PRKCB: variants seen among roughly 807,000 people sequenced by gnomAD.
PRKCB encodes the protein protein kinase C beta.
Under a neutral mutation model 81.5 loss-of-function variants are expected in PRKCB, and 13 were observed. That is an observed-to-expected ratio of 0.16 (90% confidence interval 0.10 to 0.25). The LOEUF (loss-of-function observed/expected upper bound fraction) is 0.25, where lower values mean the gene tolerates loss of function less well. Ranked by LOEUF, PRKCB falls within the 10% of genes least tolerant of loss-of-function variation. The pLI is 1.00. For missense variants in PRKCB, 509 were observed against 875.7 expected, an observed-to-expected ratio of 0.58 and a Z score of 5.29; for synonymous variants, 335 against 321.4, an observed-to-expected ratio of 1.04 and a Z score of -0.45.
chr16:24,049,394 C>T (rs573606582), intron 5 of PRKCB, among the ~76,000 whole-genome samples: 1 of 144,924 alleles, frequency 6.9e-6, no homozygotes, highest in East Asian at 2.1e-4. Context: ...GCACCCTTAA[C>T]CACTACCCTG....
intron 9 of PRKCB, 60 bp downstream of exon 9, chr16:24,124,041 A>G (rs1200127112): frequency 8.8e-6 from 14 of 1,596,962 alleles, no homozygotes; most frequent in African/African-American, 8.1e-5. Context: ...ACACAGGCAC[A>G]TTTGCTGTTC....
intron 5 of PRKCB, among the ~76,000 whole-genome samples, chr16:24,057,280 A>C (rs1466279858): frequency 6.6e-6 from 1 of 152,022 alleles, no homozygotes; most frequent in Non-Finnish European, 1.5e-5. Context: ...CATACTTACT[A>C]CTATTTCAGC....
At chr16:24,104,794 C>T (rs1005788116) in intron 7 of PRKCB, among the ~76,000 whole-genome samples, 1 of 152,022 alleles carries the variant, frequency 6.6e-6, no homozygotes, top group African/African-American at 2.4e-5. Context: ...GGAGCTGGAT[C>T]CATGAGGGGA....
rs975457873 is a variant in PRKCB, at chr16:24,218,405, A to G, written c.*3589A>G. 4.1e-6 allele frequency: 4 copies of G among 985,218 alleles called. No individual in the cohort carries two copies. Among genetic ancestry groups the G allele is most frequent in the Non-Finnish European group, 4.8e-6 (4 of 829,952 alleles). 61.0% of individuals were successfully genotyped at this position (985,218 alleles called of 1,614,324 possible). A position where few individuals can be genotyped will look rare whatever the true frequency, so the allele number is the denominator to read the frequency against. On this transcript the variant is annotated 3_prime_UTR_variant, in exon 17 of 17. Transcript: ENST00000643927. ...GGACAAGACAAAAAGGGCAGGTGGG[A>G]CATGGTAGAGATGGACCCTACCCAG...
intron 9 of PRKCB, among the ~76,000 whole-genome samples, chr16:24,140,060 C>T (rs1966884396): frequency 6.6e-6 from 1 of 152,218 alleles, no homozygotes; most frequent in Admixed American, 6.5e-5. Context: ...TGCTGGCTTC[C>T]TCTTTACTGC....
intron 5 of PRKCB, among the ~76,000 whole-genome samples, chr16:24,058,177 C>T (rs1306981483): frequency 2.6e-5 from 4 of 152,170 alleles, no homozygotes; most frequent in Non-Finnish European, 4.4e-5. Context: ...CTTCAGTCAT[C>T]ACTAAATGTC....
At chr16:23,979,585 G>A (rs120909) in intron 2 of PRKCB, among the ~76,000 whole-genome samples, 119,601 of 151,784 alleles carry the variant, frequency 0.79, 48,049 homozygotes, top group East Asian at 0.99. Flanking sequence ...GGAAGATATG[G>A]CATAAAAGGT....
chr16:24,081,376 T>G (rs1399924237), intron 5 of PRKCB, among the ~76,000 whole-genome samples: 1 of 152,194 alleles, frequency 6.6e-6, no homozygotes. Context: ...TATTCATTTA[T>G]GATGAAAGTT....
intron 2 of PRKCB, among the ~76,000 whole-genome samples, chr16:23,935,993 A>G (rs1297225071): frequency 1.3e-5 from 2 of 152,232 alleles, no homozygotes; most frequent in Admixed American, 6.5e-5. Flanking sequence ...AAATCTGCAC[A>G]TGTACCTACT....
rs527506735 is a variant in PRKCB at position 23,918,793 on chromosome 16, T to G, written c.206-69715T>G. Among the ~76,000 whole-genome samples, 317 of 152,314 alleles carry G rather than the reference T, an allele frequency of 2.1e-3. 1 individual carries two copies. Among genetic ancestry groups the G allele is most frequent in the Admixed American group, 2.9e-3 (45 of 15,308 alleles). On this transcript the variant is annotated intron_variant, in intron 2 of 16. Transcript: ENST00000643927. ...ATATTTTCTTAAATAACTATTGAGT[T>G]AAATAGGACTCAAAAGTACAATTGC...
chr16:23,857,307 T>C (rs979686659), intron 2 of PRKCB, among the ~76,000 whole-genome samples: 10 of 152,128 alleles, frequency 6.6e-5, no homozygotes, highest in African/African-American at 2.2e-4. Flanking sequence ...CTGCTTATCC[T>C]GGGGGATAAT....
intron 9 of PRKCB, among the ~76,000 whole-genome samples, chr16:24,125,917 G>C (rs542659645): frequency 6.6e-6 from 1 of 152,326 alleles, no homozygotes; most frequent in Non-Finnish European, 1.5e-5. Context: ...ATAGGCAGTT[G>C]GCAGTGGTCC....
At chr16:23,855,215 G>A (rs1234135501) in intron 2 of PRKCB, among the ~76,000 whole-genome samples, 1 of 152,096 alleles carries the variant, frequency 6.6e-6, no homozygotes, top group African/African-American at 2.4e-5. Context: ...AACACAGTGT[G>A]GTCAGTGTGA....
intron 2 of PRKCB, among the ~76,000 whole-genome samples, chr16:23,982,069 TTTCCC>T (rs1964733093): frequency 4.0e-5 from 1 of 24,844 alleles, no homozygotes; most frequent in South Asian, 2.6e-3. Flanking sequence ...TCCCCTTCTC[TTTCCC>T]TTCCCTTTCC....
At chr16:23,971,557 C>T (rs994298688) in intron 2 of PRKCB, among the ~76,000 whole-genome samples, 19 of 152,284 alleles carry the variant, frequency 1.2e-4, no homozygotes, top group East Asian at 5.8e-4. Flanking sequence ...CAGCAAGAGA[C>T]GAGAAGGTGG....
At chr16:23,942,626 A>G (rs1230960021) in intron 2 of PRKCB, among the ~76,000 whole-genome samples, 2 of 152,232 alleles carry the variant, frequency 1.3e-5, no homozygotes, top group Admixed American at 1.3e-4. Flanking sequence ...TTGCCTACAT[A>G]CTGAGGATAA....
chr16:24,160,233 C>A (rs1445138926), intron 10 of PRKCB, among the ~76,000 whole-genome samples: 1 of 141,020 alleles, frequency 7.1e-6, no homozygotes, highest in South Asian at 2.2e-4. Context: ...AGTTACTCCG[C>A]TTATCCTACA....
chr16:23,941,330 A>G (rs1964138549), intron 2 of PRKCB, among the ~76,000 whole-genome samples: 1 of 152,234 alleles, frequency 6.6e-6, no homozygotes, highest in Non-Finnish European at 1.5e-5. Flanking sequence ...CAAAACCTAT[A>G]TAACAAATGA....
chr16:24,168,069 C>T (rs1157257821), intron 10 of PRKCB, among the ~76,000 whole-genome samples: 1 of 152,150 alleles, frequency 6.6e-6, no homozygotes, highest in East Asian at 1.9e-4. Flanking sequence ...ATGACTGTTA[C>T]ATATAAGATA....
Sources: allele counts gnomAD v4.1 joint callset (sites outside exome capture counted in the v4.1 genomes callset), GRCh38; gene constraint gnomAD v4.1.1; transcripts MANE v1.5; gene names NCBI Gene and HGNC (gene_info 2026-07-23, HGNC 2026-07-21).